Variants in IFT88 observed in about 807,000 individuals in gnomAD.
IFT88 encodes the protein intraflagellar transport 88.
IFT88 carries 74 observed loss-of-function variants against 119.5 expected under a neutral mutation model. The ratio of observed to expected loss-of-function variants is 0.62; its 90% confidence interval spans 0.51 to 0.75. The LOEUF is 0.75. Among genes scored for constraint, IFT88 ranks in the 30% least tolerant of loss-of-function variants. The pLI, the probability that IFT88 is intolerant of heterozygous loss-of-function variation, is 0.00. For missense variants in IFT88, 961 were observed against 977.7 expected (o/e 0.98, Z 0.23); for synonymous variants, 279 against 316.7 (o/e 0.88, Z 1.26).
chr13:20,602,314 C>T (rs1240900715), intron 12 of IFT88, among the ~76,000 whole-genome samples: 1 of 149,486 alleles, frequency 6.7e-6, no homozygotes, highest in African/African-American at 2.5e-5. Context: ...TGGCAATTCT[C>T]ATGCCTCAGC....
chr13:20,656,404 A>G lies in IFT88; in HGVS notation c.2042A>G (p.His681Arg), dbSNP rs757661778. The change falls in exon 22 of 26, where the codon CAC (histidine) becomes CGC (arginine). Residue 681 changes from histidine (H) to arginine (R), a missense_variant. Transcript: ENST00000351808. ...QKALDTYKDT[H>R]RKFPENVECL... ...GCATTAGATACTTACAAAGATACTC[A>G]CAGAAAATTTCCAGAAAATGTCGAA... is the stretch of plus-strand genomic sequence containing the variant. 9 of 1,520,698 alleles carry G rather than the reference A, an allele frequency of 5.9e-6. No homozygotes were observed. The Admixed American group carries it at 1.7e-4, about 28-fold the overall frequency. 94.2% of individuals were successfully genotyped at this position (1,520,698 alleles called of 1,614,324 possible).
chr13:20,672,759 A>C (rs2056093210), intron 24 of IFT88, among the ~76,000 whole-genome samples: 1 of 152,240 alleles, frequency 6.6e-6, no homozygotes, highest in Non-Finnish European at 1.5e-5. Flanking sequence ...ATTCACACTA[A>C]GGATAAATAA....
chr13:20,666,749 A>G (rs2054759336), intron 23 of IFT88, among the ~76,000 whole-genome samples: 1 of 152,224 alleles, frequency 6.6e-6, no homozygotes, highest in African/African-American at 2.4e-5. Flanking sequence ...TTATGAAAAC[A>G]ATAAATGTTC....
In IFT88 at chr13:20,653,875, G is replaced by T; in HGVS notation, c.1950-1G>T. The T allele has an allele frequency of 1.9e-6, 3 of 1,553,234 alleles. No homozygotes were observed. Among genetic ancestry groups the T allele is most frequent in the South Asian group, 2.4e-5 (2 of 84,108 alleles). ...TTTCATCTCATTTATTTATTTTATA[G>T]GCCTACACAAGTGAAATGGCAGCTG... On this transcript the variant is annotated splice_acceptor_variant, in intron 20 of 25. Coordinates refer to ENST00000351808, the MANE Select transcript of IFT88 (RefSeq NM_006531.5). LOFTEE classifies it high-confidence loss of function.
intron 24 of IFT88, among the ~76,000 whole-genome samples, chr13:20,677,895 T>C (rs966262863): frequency 1.1e-4 from 17 of 152,198 alleles, no homozygotes; most frequent in African/African-American, 3.6e-4. Context: ...TTCAAAGGAA[T>C]GGGCAGAATT....
At chr13:20,657,996 G>A (rs1297756308) in intron 22 of IFT88, among the ~76,000 whole-genome samples, 1 of 152,100 alleles carries the variant, frequency 6.6e-6, no homozygotes, top group African/African-American at 2.4e-5. Flanking sequence ...TGTAGGAGCA[G>A]GGTGTTCTCC....
chr13:20,591,594 A>G, intron 5 of IFT88, 24 bp from the exon 6 acceptor site: 1 of 1,579,318 alleles, frequency 6.3e-7, no homozygotes, highest in East Asian at 2.2e-5. Context: ...ATTTAAGAAT[A>G]AATGATTCCC....
chr13:20,654,934 G>T (rs2052478998), intron 21 of IFT88, among the ~76,000 whole-genome samples: 1 of 152,144 alleles, frequency 6.6e-6, no homozygotes. Context: ...GCAGCAGCTA[G>T]CATTGAGAAC....
At chr13:20,617,846 C>T (rs189578500) in intron 14 of IFT88, among the ~76,000 whole-genome samples, 28 of 152,180 alleles carry the variant, frequency 1.8e-4, no homozygotes, top group Non-Finnish European at 2.9e-4. Context: ...CAGGCTGGAG[C>T]GCAGTAGTGT....
intron 24 of IFT88, among the ~76,000 whole-genome samples, chr13:20,683,790 A>T (rs9509332): frequency 0.99 from 150,601 of 152,338 alleles, 74,462 homozygotes; most frequent in East Asian, 1. Context: ...CTCCTGTTTG[A>T]TTAATTTCAC....
chr13:20,580,746 G>A (rs779801448), intron 2 of IFT88, among the ~76,000 whole-genome samples: 23 of 124,488 alleles, frequency 1.8e-4, no homozygotes, highest in Non-Finnish European at 3.6e-4. Flanking sequence ...TTTTTTTTGA[G>A]ATGGAGTCTC....
intron 13 of IFT88, among the ~76,000 whole-genome samples, chr13:20,612,530 G>A (rs1226573329): frequency 6.6e-6 from 1 of 152,006 alleles, no homozygotes; most frequent in Non-Finnish European, 1.5e-5. Context: ...TTTATGGATA[G>A]GCACTTAATG....
chr13:20,609,199 C>G (rs2044030743), intron 13 of IFT88, among the ~76,000 whole-genome samples: 1 of 152,142 alleles, frequency 6.6e-6, no homozygotes, highest in African/African-American at 2.4e-5. Flanking sequence ...ACTGGTGATG[C>G]CTGTGTGACA....
chr13:20,649,213 A>G (rs1348801077), intron 20 of IFT88, among the ~76,000 whole-genome samples: 1 of 152,244 alleles, frequency 6.6e-6, no homozygotes, highest in Non-Finnish European at 1.5e-5. Flanking sequence ...AGGAGATTGT[A>G]CATTCTTAAG....
At chr13:20,647,989 A>AT (rs200767085) in intron 20 of IFT88, among the ~76,000 whole-genome samples, 1,852 of 152,314 alleles carry the variant, frequency 0.012, 36 homozygotes, top group African/African-American at 0.043. Context: ...CAGTAAGATT[A>AT]TTAGTAGATT....
At chr13:20,638,722 G>T (rs1189411283) in intron 17 of IFT88, among the ~76,000 whole-genome samples, 1 of 152,072 alleles carries the variant, frequency 6.6e-6, no homozygotes, top group Non-Finnish European at 1.5e-5. Context: ...GCAAAATTTG[G>T]ATCAGGCTTG....
At chr13:20,581,349 T>A (rs745699772) in intron 2 of IFT88, among the ~76,000 whole-genome samples, 4 of 152,220 alleles carry the variant, frequency 2.6e-5, no homozygotes, top group Admixed American at 6.5e-5. Flanking sequence ...ACTGTCCTTT[T>A]TAGTTTGTCA....
At chr13:20,676,356 T>C (rs1222985219) in intron 24 of IFT88, among the ~76,000 whole-genome samples, 3 of 152,166 alleles carry the variant, frequency 2.0e-5, no homozygotes, top group Non-Finnish European at 4.4e-5. Flanking sequence ...GAGGAGGAAA[T>C]GGGCTCATGT....
At chr13:20,687,969 G>C (rs1025441990) in intron 24 of IFT88, among the ~76,000 whole-genome samples, 2 of 152,202 alleles carry the variant, frequency 1.3e-5, no homozygotes, top group African/African-American at 4.8e-5. Context: ...CCAGAGCAGA[G>C]GTCGGATCAA....
Sources: gnomAD v4.1 joint callset for allele counts (sites outside exome capture counted in the v4.1 genomes callset) on GRCh38, gnomAD v4.1.1 for gene constraint, MANE v1.5 for transcripts, NCBI Gene and HGNC (gene_info 2026-07-23, HGNC 2026-07-21) for gene names.